Variants in WDR82 observed in about 807,000 individuals in gnomAD.
The protein encoded by WDR82 is WD repeat-containing protein 82.
A neutral mutation model predicts 36.1 loss-of-function variants in WDR82; 8 were observed. The observed-to-expected ratio is 0.22, with a 90% confidence interval of 0.13 to 0.40. The LOEUF (loss-of-function observed/expected upper bound fraction) is 0.40, where lower values mean the gene tolerates loss of function less well. WDR82 is among the 10% of genes least tolerant of loss of function. The pLI is 1.00. For missense variants in WDR82, 185 were observed against 400.5 expected, an observed-to-expected ratio of 0.46 and a Z score of 4.59; for synonymous variants, 129 against 137.8, an observed-to-expected ratio of 0.94 and a Z score of 0.45.
rs755684868 is a variant in WDR82, at chr3:52,278,378, G to A, written c.-17C>T. The A allele has an allele frequency of 5.3e-6, 8 of 1,510,112 alleles. No individual in the cohort carries two copies. In the Admixed American group the frequency reaches 1.1e-4, roughly 20 times the overall value. The allele number at this position is 1,510,112 out of a possible 1,614,324, so 93.5% of individuals were successfully genotyped here. A position where few individuals can be genotyped will look rare whatever the true frequency, so the allele number is the denominator to read the frequency against. ...CAGCTTCATGGCGGCGGCTGGGGAA[G>A]GCAGCGGCGGCGCAGGGCCGGGGCG... On this transcript the variant is annotated 5_prime_UTR_variant, in exon 1 of 9. Coordinates refer to ENST00000296490, the MANE Select transcript of WDR82 (RefSeq NM_025222.4).
intron 8 of WDR82, 129 bp downstream of exon 8, chr3:52,258,407 T>C: frequency 9.1e-7 from 1 of 1,096,794 alleles, no homozygotes; most frequent in Non-Finnish European, 1.3e-6. Context: ...AAACCACCAG[T>C]TGAGAAACAT....
chr3:52,267,290 A>T (rs1417227701), intron 2 of WDR82: 2 of 309,216 alleles, frequency 6.5e-6, no homozygotes, highest in African/African-American at 4.5e-5. Flanking sequence ...CATAATTACA[A>T]TGCAACTCCC....
At chr3:52,277,006 TAAAA>T (rs769178240) in intron 1 of WDR82, among the ~76,000 whole-genome samples, 1 of 108,190 alleles carries the variant, frequency 9.2e-6, no homozygotes. Flanking sequence ...GACACCAGTC[TAAAA>T]AAAAAAAAAG....
At chr3:52,261,573 T>C in intron 3 of WDR82, 94 bp from the exon 4 acceptor site, 1 of 938,670 alleles carries the variant, frequency 1.1e-6, no homozygotes, top group East Asian at 3.1e-5. Context: ...TACATATATA[T>C]ACCTGTTCTC....
chr3:52,271,198 G>A (rs144858814), intron 1 of WDR82, among the ~76,000 whole-genome samples: 105 of 152,292 alleles, frequency 6.9e-4, no homozygotes, highest in Admixed American at 1.9e-3. Flanking sequence ...CTCTACAACC[G>A]ATGTTTCATT....
chr3:52,259,406 C>A, intron 6 of WDR82, 140 bp from the exon 7 acceptor site: 2 of 890,856 alleles, frequency 2.2e-6, no homozygotes, highest in Non-Finnish European at 3.5e-6. Flanking sequence ...ACCAAGCTTC[C>A]AAATGTGGTT....
chr3:52,270,196 C>G (rs1700141113), intron 2 of WDR82, among the ~76,000 whole-genome samples: 2 of 152,120 alleles, frequency 1.3e-5, no homozygotes, highest in Non-Finnish European at 2.9e-5. Flanking sequence ...CTTGGCTCAC[C>G]ACAACCTCTG....
At position 52,255,917 on chromosome 3, in the gene WDR82, G is replaced by A. The variant is rs1700002700; in HGVS notation, c.*1573C>T. 6.6e-6 allele frequency: 1 copy of A among 152,470 alleles called. No homozygotes were observed. The highest frequency in any genetic ancestry group is 6.5e-5 in the Admixed American group (1 of 15,272). The allele number at this position is 152,470 out of a possible 1,614,324, so 9.4% of individuals were successfully genotyped here. On this transcript the variant is annotated 3_prime_UTR_variant, in exon 9 of 9. Transcript: ENST00000296490. Reference sequence around the variant, plus strand: ...AGCAAGGAAAAGCAGCAAGCAAGCAGACATACCAGGTCAACAGGAGTGATC... The same window carrying A: ...AGCAAGGAAAAGCAGCAAGCAAGCAAACATACCAGGTCAACAGGAGTGATC...
In WDR82 at chr3:52,257,432, CTG is replaced by C; in HGVS notation, c.*56_*57del. ...AATCCCACTATTATCTCAGTTCCCT[CTG>C]AGTTTCTTCCTGCTGGCCGCCCTCA... On this transcript the variant is annotated 3_prime_UTR_variant, in exon 9 of 9. Transcript: ENST00000296490. 1 of 1,612,116 alleles carries C rather than the reference CTG, an allele frequency of 6.2e-7. No individual in the cohort carries two copies. Among genetic ancestry groups the C allele is most frequent in the Non-Finnish European group, 8.5e-7 (1 of 1,178,186 alleles).
In WDR82 at chr3:52,260,519, A is replaced by C; in HGVS notation, c.427-18T>G. ...ATGAGGCCCTAAGAGAAAAGAAATA[A>C]GAAATACACTAAAACACACATGCCA... On this transcript the variant is annotated intron_variant, in intron 4 of 8. Transcript: ENST00000296490. 6.6e-7 allele frequency: 1 copy of C among 1,525,868 alleles called. No individual in the cohort carries two copies. Among genetic ancestry groups the C allele is most frequent in the Non-Finnish European group, 8.8e-7 (1 of 1,134,552 alleles). 94.5% of individuals were successfully genotyped at this position (1,525,868 alleles called of 1,614,324 possible). A position where few individuals can be genotyped will look rare whatever the true frequency, so the allele number is the denominator to read the frequency against.
rs560444390 is a variant in WDR82 at position 52,274,165 on chromosome 3, G to A, written c.162-3356C>T. ...TATCACTCAATGGGCGAACTCCATT[G>A]TAAAGAAAATTTAAATGACCAGTAA... On this transcript the variant is annotated intron_variant, in intron 1 of 8. Coordinates refer to ENST00000296490, the MANE Select transcript of WDR82 (RefSeq NM_025222.4). 7.2e-5 allele frequency among the ~76,000 whole-genome samples: 11 copies of A among 152,320 alleles called. No individual in the cohort carries two copies. In the South Asian group the frequency reaches 1.7e-3, roughly 23 times the overall value.
chr3:52,273,016 T>TA (rs1267926557), intron 1 of WDR82, among the ~76,000 whole-genome samples: 1 of 152,270 alleles, frequency 6.6e-6, no homozygotes, highest in Admixed American at 6.5e-5. Context: ...GATGTGGGGT[T>TA]ACTGTGTGGT....
At chr3:52,259,357 TC>T in intron 6 of WDR82, 91 bp from the exon 7 acceptor site, 1 of 1,265,214 alleles carries the variant, frequency 7.9e-7, no homozygotes, top group Non-Finnish European at 1.1e-6. Flanking sequence ...TGCATCACCT[TC>T]CTTTCCATGA....
At chr3:52,268,799 A>C (rs1427021420) in intron 2 of WDR82, among the ~76,000 whole-genome samples, 1 of 151,930 alleles carries the variant, frequency 6.6e-6, no homozygotes, top group Non-Finnish European at 1.5e-5. Flanking sequence ...TAGCAGTATA[A>C]GCTATCCTTG....
At chr3:52,275,533 T>G (rs1171596919) in intron 1 of WDR82, among the ~76,000 whole-genome samples, 1 of 152,246 alleles carries the variant, frequency 6.6e-6, no homozygotes, top group Non-Finnish European at 1.5e-5. Context: ...GTATCAGTAC[T>G]AAATTTCCTA....
In WDR82 at chr3:52,257,458, C is replaced by T. The variant is rs1406663970; in HGVS notation, c.*32G>A. 2.5e-6 allele frequency: 4 copies of T among 1,614,162 alleles called. No individual in the cohort carries two copies. The Middle Eastern group carries it at 6.6e-4, about 266-fold the overall frequency. ...TGAGTTTCTTCCTGCTGGCCGCCCT[C>T]ACTATACAGAAATAGCCAAGCAGCA... On this transcript the variant is annotated 3_prime_UTR_variant, in exon 9 of 9. Transcript: ENST00000296490.
chr3:52,274,195 G>C (rs1371834329), intron 1 of WDR82, among the ~76,000 whole-genome samples: 1 of 152,180 alleles, frequency 6.6e-6, no homozygotes, highest in Non-Finnish European at 1.5e-5. Flanking sequence ...CAGTAAACTG[G>C]AAAATACTAA....
chr3:52,259,686 A>T (rs572323470), intron 6 of WDR82, 31 bp downstream of exon 6: 1 of 1,595,990 alleles, frequency 6.3e-7, no homozygotes, highest in East Asian at 2.2e-5. Flanking sequence ...ATGAGCATGG[A>T]AACAGCCATG....
At chr3:52,259,649 G>T in intron 6 of WDR82, 68 bp downstream of exon 6, 1 of 1,537,784 alleles carries the variant, frequency 6.5e-7, no homozygotes, top group Non-Finnish European at 8.8e-7. Context: ...CCACCAACCA[G>T]CTAACATAAT....
Sources: gnomAD v4.1 joint callset for allele counts (sites outside exome capture counted in the v4.1 genomes callset) on GRCh38, gnomAD v4.1.1 for gene constraint, MANE v1.5 for transcripts, NCBI Gene and HGNC (gene_info 2026-07-23, HGNC 2026-07-21) for gene names.